Variants in CRTAC1 observed in about 807,000 individuals in gnomAD.
The protein encoded by CRTAC1 is acidic secreted protein in cartilage.
Under a neutral mutation model 67.8 loss-of-function variants are expected in CRTAC1, and 37 were observed. That is an observed-to-expected ratio of 0.55 (90% CI 0.42 to 0.72). The LOEUF is 0.72. CRTAC1 is among the 30% of genes least tolerant of loss of function. The pLI is 0.00. For synonymous variants in CRTAC1, 348 were observed against 371.0 expected (o/e 0.94, Z 0.71); for missense variants, 780 against 931.6 (o/e 0.84, Z 2.12).
At chr10:97,923,067 T>C (rs148010244) in intron 4 of CRTAC1, among the ~76,000 whole-genome samples, 197 bp downstream of exon 4, 2,245 of 152,286 alleles carry the variant, frequency 0.015, 27 homozygotes, top group Middle Eastern at 0.044. Flanking sequence ...CACTGGTTTC[T>C]GGGAGGGCTG....
chr10:98,001,610 G>T (rs1207399327), intron 2 of CRTAC1, among the ~76,000 whole-genome samples: 2 of 152,088 alleles, frequency 1.3e-5, no homozygotes, highest in African/African-American at 4.8e-5. Context: ...ACTGCATGAT[G>T]GTTAAAAAGA....
In CRTAC1 at chr10:97,895,862, T is replaced by G. The variant is rs1590190322; in HGVS notation, c.1317+23A>C. Reference sequence around the variant, plus strand: ...CGAGAGCACACAGGGCTGGGATCTGTGGCTCCTGAGGTCTTAGCGCACCTG... The same window carrying G: ...CGAGAGCACACAGGGCTGGGATCTGGGGCTCCTGAGGTCTTAGCGCACCTG... On this transcript the variant is annotated intron_variant, in intron 10 of 14. Transcript: ENST00000370597. This position sits in a 1 kb window ranked among gnomAD's most constrained non-coding sequence, Gnocchi z 4.2. 1.9e-6 allele frequency: 3 copies of G among 1,593,346 alleles called. No individual in the cohort carries two copies. In the South Asian group the frequency reaches 3.3e-5, roughly 18 times the overall value.
intron 2 of CRTAC1, among the ~76,000 whole-genome samples, chr10:97,962,176 T>G (rs1352205544): frequency 6.6e-6 from 1 of 152,142 alleles, no homozygotes; most frequent in Non-Finnish European, 1.5e-5. Flanking sequence ...TGGGGCTGTC[T>G]GCCAGTTTCT....
chr10:97,964,103 GA>G (rs1365208590), intron 2 of CRTAC1, among the ~76,000 whole-genome samples: 6 of 152,084 alleles, frequency 3.9e-5, no homozygotes, highest in Non-Finnish European at 8.8e-5. Flanking sequence ...CTGGAGATCA[GA>G]CAACCACCTG....
chr10:97,879,234 T>A (rs2050180609), intron 14 of CRTAC1, among the ~76,000 whole-genome samples: 1 of 151,950 alleles, frequency 6.6e-6, no homozygotes, highest in Admixed American at 6.6e-5. Flanking sequence ...CCAACACCAA[T>A]AAGGCTTTCT....
At chr10:97,877,251 T>C (rs1436424848) in intron 14 of CRTAC1, among the ~76,000 whole-genome samples, 1 of 152,212 alleles carries the variant, frequency 6.6e-6, no homozygotes, top group African/African-American at 2.4e-5. Flanking sequence ...GAAAGCCCCT[T>C]GGTGTCCCAC....
chr10:98,010,996 C>G (rs1842894267), intron 2 of CRTAC1, 142 bp downstream of exon 2: 2 of 743,334 alleles, frequency 2.7e-6, no homozygotes, highest in East Asian at 5.4e-5. Context: ...CCCAGCCAAG[C>G]TGCAGCTGAG....
chr10:97,951,711 T>C (rs1306539738), intron 2 of CRTAC1, among the ~76,000 whole-genome samples: 4 of 152,222 alleles, frequency 2.6e-5, no homozygotes. Context: ...ATGACTATAA[T>C]CTAAGATATT....
At chr10:97,889,877 G>T (rs1312532720) in intron 11 of CRTAC1, among the ~76,000 whole-genome samples, 1 of 152,112 alleles carries the variant, frequency 6.6e-6, no homozygotes, top group Non-Finnish European at 1.5e-5. Context: ...CCTCAGTCAT[G>T]CGGGACCTCA....
In CRTAC1 at chr10:97,883,686, G is replaced by A. The variant is rs534284906; in HGVS notation, c.1632+520C>T. ...GCCCCCTTCATTTGTGTCAGTTTCA[G>A]TGGGTTCCTGTTAATCGCCACCAAG... On this transcript the variant is annotated intron_variant, in intron 12 of 14. Transcript: ENST00000370597. Among the ~76,000 whole-genome samples the A allele has an allele frequency of 1.1e-4, 17 of 152,304 alleles. No homozygotes were observed. The South Asian group carries it at 3.3e-3, about 30-fold the overall frequency.
intron 2 of CRTAC1, 118 bp downstream of exon 2, chr10:98,011,020 C>T (rs1842894564): frequency 1.1e-6 from 1 of 890,400 alleles, no homozygotes; most frequent in Non-Finnish European, 1.8e-6. Context: ...CAGACAACCA[C>T]AGACCTATGA....
intron 1 of CRTAC1, among the ~76,000 whole-genome samples, chr10:98,022,992 C>T (rs1843153825): frequency 6.6e-6 from 1 of 152,138 alleles, no homozygotes; most frequent in Admixed American, 6.5e-5. Context: ...GTGGACCCCA[C>T]TATTTAAAAG....
intron 3 of CRTAC1, 90 bp downstream of exon 3, chr10:97,936,080 G>A (rs2051081649): frequency 2.3e-6 from 3 of 1,279,804 alleles, no homozygotes; most frequent in Non-Finnish European, 2.2e-6. Context: ...AGTTGCCTGA[G>A]GAAGGGCCAG....
intron 2 of CRTAC1, among the ~76,000 whole-genome samples, chr10:97,995,715 A>G (rs1358407731): frequency 2.0e-5 from 3 of 152,206 alleles, no homozygotes; most frequent in African/African-American, 7.2e-5. Context: ...AGGGACTCTG[A>G]GTACCATAAA....
chr10:97,953,237 G>A lies in CRTAC1; in HGVS notation c.225-16871C>T, dbSNP rs116292388. Among the ~76,000 whole-genome samples, 293 of 152,266 alleles carry A rather than the reference G, an allele frequency of 1.9e-3. 1 individual carries two copies. The highest frequency in any genetic ancestry group is 6.2e-3 in the African/African-American group (256 of 41,548). On this transcript the variant is annotated intron_variant, in intron 2 of 14. Coordinates refer to ENST00000370597, the MANE Select transcript of CRTAC1 (RefSeq NM_018058.7). ...AGATCAAGCCTAGGCATCTGCAAGC[G>A]CCCAGTCCTTTGGGATGGCACTACC...
chr10:97,903,415 G>A (rs1030010342), intron 7 of CRTAC1, among the ~76,000 whole-genome samples: 3 of 151,570 alleles, frequency 2.0e-5, no homozygotes, highest in East Asian at 1.9e-4. Context: ...GGTGGAAATC[G>A]TCCAAGATCC....
intron 2 of CRTAC1, among the ~76,000 whole-genome samples, chr10:97,964,767 A>G (rs1377979649): frequency 6.6e-6 from 1 of 152,204 alleles, no homozygotes; most frequent in African/African-American, 2.4e-5. Flanking sequence ...CTCGATAGCT[A>G]CTGAGCCCAT....
chr10:97,913,656 G>T (rs2050720397), intron 5 of CRTAC1, among the ~76,000 whole-genome samples: 1 of 152,196 alleles, frequency 6.6e-6, no homozygotes, highest in African/African-American at 2.4e-5. Context: ...AGGTCTCTGT[G>T]TGTCCTGGGC....
intron 2 of CRTAC1, among the ~76,000 whole-genome samples, chr10:97,954,753 C>A (rs2051414785): frequency 6.6e-6 from 1 of 152,158 alleles, no homozygotes. Flanking sequence ...GTTCTGGAGG[C>A]TAGAAGTCTG....
Sources: gnomAD v4.1 joint callset for allele counts (sites outside exome capture counted in the v4.1 genomes callset) on GRCh38, gnomAD v4.1.1 for gene constraint, Gnocchi (gnomAD v3.1) non-coding constraint, MANE v1.5 for transcripts, NCBI Gene and HGNC (gene_info 2026-07-23, HGNC 2026-07-21) for gene names.